EYA1: variants seen among roughly 807,000 people sequenced by gnomAD.
EYA1 encodes the protein EYA transcriptional coactivator and phosphatase 1.
In EYA1, 16 loss-of-function variants were observed where a neutral mutation model predicts 82.0. The observed-to-expected ratio is 0.20, with a 90% confidence interval of 0.13 to 0.30. The LOEUF (loss-of-function observed/expected upper bound fraction) is 0.30. Ranked by LOEUF, EYA1 falls within the 10% of genes least tolerant of loss-of-function variation. EYA1 has a pLI of 1.00. For synonymous variants in EYA1, 261 were observed against 264.4 expected, an observed-to-expected ratio of 0.99 and a Z score of 0.12; for missense variants, 633 against 730.7, an observed-to-expected ratio of 0.87 and a Z score of 1.54.
intron 1 of EYA1, among the ~76,000 whole-genome samples, chr8:71,357,256 C>T (rs568797357): frequency 2.6e-5 from 4 of 152,262 alleles, no homozygotes; most frequent in Admixed American, 2.0e-4. Flanking sequence ...TCTTTTAAAC[C>T]GAGGAAGAAA....
chr8:71,322,308 C>T (rs1262696842), intron 4 of EYA1, 40 bp from the exon 5 acceptor site: 1 of 1,515,234 alleles, frequency 6.6e-7, no homozygotes, highest in South Asian at 1.1e-5. Flanking sequence ...CACAATAATC[C>T]AAGCAAAACA....
intron 2 of EYA1, among the ~76,000 whole-genome samples, chr8:71,477,015 A>G (rs1447212400): frequency 6.6e-6 from 1 of 152,122 alleles, no homozygotes; most frequent in Admixed American, 6.6e-5. Flanking sequence ...GAACAATTGG[A>G]TATCCTCATG....
At chr8:71,235,969 G>A (rs963346654) in intron 12 of EYA1, among the ~76,000 whole-genome samples, 6 of 151,978 alleles carry the variant, frequency 3.9e-5, no homozygotes, top group Middle Eastern at 3.2e-3. Flanking sequence ...AAAATATATC[G>A]TCGTGGCTTT....
chr8:71,415,939 G>A (rs199533810), intron 2 of EYA1, among the ~76,000 whole-genome samples: 7 of 152,324 alleles, frequency 4.6e-5, no homozygotes, highest in African/African-American at 9.6e-5. Flanking sequence ...GGACAAGGAC[G>A]CAGTGCTTAA....
At chr8:71,454,123 A>G (rs1295326553) in intron 2 of EYA1, among the ~76,000 whole-genome samples, 1 of 152,210 alleles carries the variant, frequency 6.6e-6, no homozygotes, top group Admixed American at 6.5e-5. Context: ...TTACAATCCT[A>G]GTCTCTGATA....
At chr8:71,403,687 T>C (rs1210707819) in intron 2 of EYA1, 3 of 152,194 alleles carry the variant, frequency 2.0e-5, no homozygotes, top group Admixed American at 2.0e-4. Context: ...AAGAATCAGA[T>C]ACAGCCATAT....
At chr8:71,526,303 C>T in intron 2 of EYA1, among the ~76,000 whole-genome samples, 1 of 151,004 alleles carries the variant, frequency 6.6e-6, no homozygotes, top group South Asian at 2.1e-4. Flanking sequence ...AGTATATATG[C>T]TACTTAATAT....
intron 2 of EYA1, among the ~76,000 whole-genome samples, chr8:71,488,569 T>C (rs1044993160): frequency 3.3e-5 from 5 of 152,152 alleles, no homozygotes; most frequent in African/African-American, 1.2e-4. Context: ...AAGTGATAGA[T>C]ATCGGTTGGG....
chr8:71,261,861 C>A (rs1005756479), intron 11 of EYA1, among the ~76,000 whole-genome samples: 2 of 152,224 alleles, frequency 1.3e-5, no homozygotes, highest in Non-Finnish European at 2.9e-5. Flanking sequence ...TCCTACCTCC[C>A]TCCTTCCTAC....
At chr8:71,425,692 G>A (rs1003961178) in intron 2 of EYA1, among the ~76,000 whole-genome samples, 3 of 145,872 alleles carry the variant, frequency 2.1e-5, no homozygotes, top group Non-Finnish European at 4.5e-5. Context: ...TGAATCCTTA[G>A]TGTGTGTGTG....
At chr8:71,255,386 C>T (rs545189398) in intron 11 of EYA1, among the ~76,000 whole-genome samples, 130 of 152,154 alleles carry the variant, frequency 8.5e-4, no homozygotes, top group Middle Eastern at 3.4e-3. Context: ...GTGGTTCTGG[C>T]AAAAATACAG....
intron 11 of EYA1, among the ~76,000 whole-genome samples, chr8:71,258,426 G>T (rs1477135209): frequency 1.3e-5 from 2 of 152,144 alleles, no homozygotes; most frequent in African/African-American, 4.8e-5. Flanking sequence ...TTACTTCATG[G>T]ATGTTTTTAA....
chr8:71,400,996 T>C (rs1829926600), intron 2 of EYA1, among the ~76,000 whole-genome samples: 1 of 152,094 alleles, frequency 6.6e-6, no homozygotes, highest in Non-Finnish European at 1.5e-5. Flanking sequence ...GGGACATGGA[T>C]GGAGTTGGAA....
At chr8:71,349,744 C>T (rs565907355) in intron 3 of EYA1, among the ~76,000 whole-genome samples, 1 of 152,290 alleles carries the variant, frequency 6.6e-6, no homozygotes, top group African/African-American at 2.4e-5. Flanking sequence ...TCTGAGTTCA[C>T]ACAGCCAGCA....
intron 2 of EYA1, among the ~76,000 whole-genome samples, chr8:71,398,435 A>G (rs1320260893): frequency 1.1e-4 from 17 of 151,834 alleles, no homozygotes. Context: ...GGTTTTATCT[A>G]CCTTTGGTCT....
At chr8:71,510,194 CA>C (rs1280304224) in intron 2 of EYA1, among the ~76,000 whole-genome samples, 15 of 152,056 alleles carry the variant, frequency 9.9e-5, no homozygotes, top group Non-Finnish European at 1.9e-4. Flanking sequence ...TCATTAGACT[CA>C]AAATGATGAG....
At chr8:71,271,207 T>C (rs558242889) in intron 10 of EYA1, among the ~76,000 whole-genome samples, 3 of 152,236 alleles carry the variant, frequency 2.0e-5, no homozygotes, top group Non-Finnish European at 4.4e-5. Flanking sequence ...TGTTTTGATA[T>C]AGGCATGCAA....
intron 7 of EYA1, among the ~76,000 whole-genome samples, chr8:71,315,330 C>T (rs971979315): frequency 2.6e-5 from 4 of 152,184 alleles, no homozygotes; most frequent in African/African-American, 9.7e-5. Flanking sequence ...CTGTACTTAG[C>T]TTTAGCTTTT....
chr8:71,460,530 A>G (rs1191994232), intron 2 of EYA1, among the ~76,000 whole-genome samples: 1 of 152,228 alleles, frequency 6.6e-6, no homozygotes, highest in Non-Finnish European at 1.5e-5. Context: ...GGCACTTCAG[A>G]CAGGTGGAGA....
Sources: gnomAD v4.1 joint callset for allele counts (sites outside exome capture counted in the v4.1 genomes callset) on GRCh38, gnomAD v4.1.1 for gene constraint, MANE v1.5 for transcripts, NCBI Gene and HGNC (gene_info 2026-07-23, HGNC 2026-07-21) for gene names.